KLF3: variants seen among roughly 807,000 people sequenced by gnomAD.
KLF3 encodes Krueppel-like factor 3.
Under a neutral mutation model 32.7 loss-of-function variants are expected in KLF3, and 6 were observed. That is an observed-to-expected ratio of 0.18 (90% confidence interval 0.10 to 0.36). The LOEUF is 0.36. Ranked by LOEUF, KLF3 falls within the 10% of genes least tolerant of loss-of-function variation. The probability of loss-of-function intolerance (pLI) is 1.00; values close to 1 mark genes in which losing one functional copy is unlikely to be tolerated. For synonymous variants in KLF3, 145 were observed against 172.8 expected (o/e 0.84, Z 1.26); for missense variants, 338 against 449.7 (o/e 0.75, Z 2.25).
chr4:38,683,161 G>A (rs1042894237), intron 2 of KLF3, among the ~76,000 whole-genome samples: 2 of 151,980 alleles, frequency 1.3e-5, no homozygotes, highest in Non-Finnish European at 2.9e-5. Context: ...TTGATCTGAA[G>A]GTAAAAGTCT....
At chr4:38,672,974 G>T (rs1216566755) in intron 1 of KLF3, among the ~76,000 whole-genome samples, 7 of 152,180 alleles carry the variant, frequency 4.6e-5, no homozygotes, top group African/African-American at 1.7e-4. Flanking sequence ...AGCCTTAGAG[G>T]CAGGAACAAG....
At chr4:38,679,417 G>A (rs940217747) in intron 1 of KLF3, among the ~76,000 whole-genome samples, 21 of 152,224 alleles carry the variant, frequency 1.4e-4, no homozygotes, top group Admixed American at 1.2e-3. Flanking sequence ...TGCTGGTGGA[G>A]GTTTGGGGAA....
chr4:38,689,645 G>T (rs1722818075), intron 3 of KLF3, 84 bp from the exon 4 acceptor site: 1 of 945,442 alleles, frequency 1.1e-6, no homozygotes, highest in Non-Finnish European at 1.6e-6. Flanking sequence ...TATCTGTGTT[G>T]TAGGTAGGAG....
At chr4:38,693,117 C>CGT (rs1553894851) in intron 4 of KLF3, among the ~76,000 whole-genome samples, 1 of 137,972 alleles carries the variant, frequency 7.2e-6, no homozygotes, top group African/African-American at 2.7e-5. Context: ...CATATATATA[C>CGT]ATATATATAT....
At chr4:38,668,168 T>A (rs866026319) in intron 1 of KLF3, among the ~76,000 whole-genome samples, 9 of 152,206 alleles carry the variant, frequency 5.9e-5, no homozygotes, top group South Asian at 2.1e-4. Flanking sequence ...TTTCATTTTT[T>A]AAAAATATTC....
chr4:38,687,874 G>C (rs904441853), intron 2 of KLF3, among the ~76,000 whole-genome samples: 2 of 152,112 alleles, frequency 1.3e-5, no homozygotes, highest in African/African-American at 4.8e-5. Context: ...CCCCCTCCTG[G>C]TTTGCCTGAG....
intron 4 of KLF3, among the ~76,000 whole-genome samples, chr4:38,693,485 A>G (rs1356172365): frequency 6.6e-6 from 1 of 152,152 alleles, no homozygotes; most frequent in African/African-American, 2.4e-5. Flanking sequence ...CAAGTTTTAT[A>G]CCAAGAGACT....
chr4:38,664,297 G>C lies in KLF3; in HGVS notation c.-204G>C, dbSNP rs912564421. ...CCGCGCGGAGCCGGGGCCCGAGCCG[G>C]AGCGCAGCGAGAGCGCCCGCCGCAC... On this transcript the variant is annotated 5_prime_UTR_variant, in exon 1 of 6. Coordinates refer to ENST00000261438, the MANE Select transcript of KLF3 (RefSeq NM_016531.6). The C allele has an allele frequency of 1.3e-5, 2 of 152,042 alleles. No homozygotes were observed. Among genetic ancestry groups the C allele is most frequent in the Admixed American group, 6.6e-5 (1 of 15,256 alleles). 9.4% of individuals were successfully genotyped at this position (152,042 alleles called of 1,614,324 possible).
At chr4:38,676,800 A>G (rs1478043125) in intron 1 of KLF3, among the ~76,000 whole-genome samples, 3 of 152,154 alleles carry the variant, frequency 2.0e-5, no homozygotes, top group Admixed American at 1.3e-4. Context: ...TTCTAATCCT[A>G]TCATTCCTTC....
At position 38,671,977 on chromosome 4, in the gene KLF3, C is replaced by T. The variant is rs965826090; in HGVS notation, c.-40+7516C>T. 5.9e-5 allele frequency among the ~76,000 whole-genome samples: 9 copies of T among 152,044 alleles called. No homozygotes were observed. The highest frequency in any genetic ancestry group is 1.3e-4 in the Admixed American group (2 of 15,270). On this transcript the variant is annotated intron_variant, in intron 1 of 5. Transcript: ENST00000261438. The surrounding 1 kb of genome is among the most constrained non-coding windows in gnomAD (Gnocchi z 4.4). Reference sequence around the variant, plus strand: ...TTAGATTTTAAAGTACAGTAGAGACCTCGACACTAGACTTGTTTAGAAGAC... The same window carrying T: ...TTAGATTTTAAAGTACAGTAGAGACTTCGACACTAGACTTGTTTAGAAGAC...
intron 4 of KLF3, 45 bp downstream of exon 4, chr4:38,689,924 T>C (rs779130402): frequency 7.3e-6 from 11 of 1,508,038 alleles, no homozygotes; most frequent in Non-Finnish European, 9.8e-6. Context: ...GTAGTGTGCA[T>C]CTTGGAACCT....
chr4:38,677,053 T>A (rs141397742), intron 1 of KLF3, among the ~76,000 whole-genome samples: 2 of 149,146 alleles, frequency 1.3e-5, no homozygotes, highest in Admixed American at 1.4e-4. Context: ...CTCCGCCTGC[T>A]GGGTTCAAGC....
At position 38,700,858 on chromosome 4, in the gene KLF3, T is replaced by G. The variant is rs935438124; in HGVS notation, c.*3595T>G. 6.6e-6 allele frequency: 1 copy of G among 152,246 alleles called. No homozygotes were observed. The highest frequency in any genetic ancestry group is 2.4e-5 in the African/African-American group (1 of 41,466). The allele number at this position is 152,246 out of a possible 1,614,324, so 9.4% of individuals were successfully genotyped here. On this transcript the variant is annotated 3_prime_UTR_variant, in exon 6 of 6. Coordinates refer to ENST00000261438, the MANE Select transcript of KLF3 (RefSeq NM_016531.6). ...TACTGAAACATTTTGGTAATCTTTC[T>G]TACTAAAGATGTGAATGTTTAATGT...
At chr4:38,677,241 A>G (rs960163540) in intron 1 of KLF3, among the ~76,000 whole-genome samples, 5 of 152,166 alleles carry the variant, frequency 3.3e-5, no homozygotes, top group Admixed American at 2.0e-4. Context: ...AATTACAGGC[A>G]TGAGCCACCA....
In KLF3 at chr4:38,688,594, T is replaced by A; in HGVS notation, c.67T>A (p.Ser23Thr). 6.2e-7 allele frequency: 1 copy of A among 1,601,196 alleles called. No homozygotes were observed. The highest frequency in any genetic ancestry group is 8.5e-7 in the Non-Finnish European group (1 of 1,169,698). Residue 23 changes from serine (S) to threonine (T), a missense_variant, in exon 3 of 6, where the codon TCT (serine) becomes ACT (threonine). Coordinates refer to ENST00000261438, the MANE Select transcript of KLF3 (RefSeq NM_016531.6). The surrounding 1 kb of genome is among the most constrained non-coding windows in gnomAD (Gnocchi z 4.9). The stretch of plus-strand genomic sequence containing the variant: ...TTTTCTTTTCTAATAGTCATACCCA[T>A]CTAATTACATGGAATCCATGAAGCC... ...AMDPVSVSYP[S>T]NYMESMKPNK...
intron 1 of KLF3, among the ~76,000 whole-genome samples, chr4:38,668,904 T>C (rs1722116108): frequency 6.6e-6 from 1 of 152,256 alleles, no homozygotes; most frequent in Admixed American, 6.5e-5. Context: ...TCCTATCTTA[T>C]AGTTGCTATG....
chr4:38,687,192 G>A (rs1722729643), intron 2 of KLF3, among the ~76,000 whole-genome samples: 1 of 152,226 alleles, frequency 6.6e-6, no homozygotes, highest in Non-Finnish European at 1.5e-5. Flanking sequence ...AGCACAATAT[G>A]TTGTTTATCA....
In KLF3 at chr4:38,700,274, AT is replaced by A. The variant is rs1163108623; in HGVS notation, c.*3015del. Reference sequence around the variant, plus strand: ...AGGGGAACTATATATGTATATGTATATTTTATTAAACACCCATCTGCACTAT... The same window carrying A: ...AGGGGAACTATATATGTATATGTATATTTATTAAACACCCATCTGCACTAT... On this transcript the variant is annotated 3_prime_UTR_variant, in exon 6 of 6. Transcript: ENST00000261438. The A allele has an allele frequency of 6.6e-6, 1 of 152,220 alleles. No individual in the cohort carries two copies. The highest frequency in any genetic ancestry group is 2.4e-5 in the African/African-American group (1 of 41,452). 9.4% of individuals were successfully genotyped at this position (152,220 alleles called of 1,614,324 possible).
chr4:38,697,077 TGCAGG>T lies in KLF3; in HGVS notation c.857-4_857del. On this transcript the variant is annotated splice_acceptor_variant and splice_polypyrimidine_tract_variant and coding_sequence_variant and intron_variant, in exon 6 of 6. Transcript: ENST00000261438. LOFTEE classifies it high-confidence loss of function. ...AAAATAGCTCTTTTCTTTTTCCTTT[TGCAGG>T]AGAAAAACCCTACAAATGTACATGG... The T allele has an allele frequency of 6.4e-7, 1 of 1,571,772 alleles. No individual in the cohort carries two copies. The highest frequency in any genetic ancestry group is 1.2e-5 in the South Asian group (1 of 85,366).
Sources: allele counts gnomAD v4.1 joint callset (sites outside exome capture counted in the v4.1 genomes callset), GRCh38; gene constraint gnomAD v4.1.1; non-coding constraint Gnocchi (gnomAD v3.1); transcripts MANE v1.5; gene names NCBI Gene and HGNC (gene_info 2026-07-23, HGNC 2026-07-21).